OCA2: variants seen among roughly 807,000 people sequenced by gnomAD.
OCA2 encodes P protein.
Under a neutral mutation model 100.2 loss-of-function variants are expected in OCA2, and 77 were observed. The observed-to-expected ratio is 0.77, with a 90% CI of 0.64 to 0.93. OCA2 has a LOEUF of 0.93. OCA2 is among the 40% of genes least tolerant of loss of function. OCA2 has a pLI of 0.00. For missense variants in OCA2, 1,062 were observed against 1,089.1 expected, an observed-to-expected ratio of 0.98 and a Z score of 0.35; for synonymous variants, 432 against 439.2, an observed-to-expected ratio of 0.98 and a Z score of 0.21.
chr15:27,813,640 T>C (rs1171838341), intron 23 of OCA2, among the ~76,000 whole-genome samples: 2 of 152,176 alleles, frequency 1.3e-5, no homozygotes, highest in Admixed American at 6.5e-5. Context: ...GGAGGAAGTA[T>C]CCATCGGATC....
intron 23 of OCA2, among the ~76,000 whole-genome samples, chr15:27,823,673 A>C (rs1410825835): frequency 6.6e-6 from 1 of 152,168 alleles, no homozygotes; most frequent in African/African-American, 2.4e-5. Context: ...ACTGAGAAAC[A>C]ACTTATTCAA....
chr15:27,757,726 T>A (rs1163925163), intron 23 of OCA2, among the ~76,000 whole-genome samples: 1 of 152,214 alleles, frequency 6.6e-6, no homozygotes, highest in African/African-American at 2.4e-5. Flanking sequence ...TTCACTCTTA[T>A]AAATCCCTTA....
At chr15:28,077,994 G>A (rs187472004) in intron 2 of OCA2, among the ~76,000 whole-genome samples, 40 of 152,274 alleles carry the variant, frequency 2.6e-4, no homozygotes, top group African/African-American at 8.2e-4. Flanking sequence ...AAGGAGAATC[G>A]CCTGAACCTG....
intron 16 of OCA2, among the ~76,000 whole-genome samples, chr15:27,955,874 G>A (rs2040207030): frequency 6.6e-6 from 1 of 151,982 alleles, no homozygotes. Context: ...TCATGTTTCT[G>A]ACTCAGCCCA....
intron 21 of OCA2, among the ~76,000 whole-genome samples, chr15:27,868,361 A>G (rs971848389): frequency 6.6e-6 from 1 of 152,198 alleles, no homozygotes; most frequent in Non-Finnish European, 1.5e-5. Context: ...ATATGAATAT[A>G]TATGCAATGA....
intron 2 of OCA2, among the ~76,000 whole-genome samples, chr15:28,059,906 T>C (rs1254680987): frequency 6.6e-6 from 1 of 152,224 alleles, no homozygotes; most frequent in African/African-American, 2.4e-5. Flanking sequence ...AGAGTCTCTC[T>C]TTATGTACAC....
At chr15:27,893,068 G>A (rs114842666) in intron 19 of OCA2, among the ~76,000 whole-genome samples, 2,372 of 152,212 alleles carry the variant, frequency 0.016, 56 homozygotes, top group African/African-American at 0.05. Flanking sequence ...TAATTTGAAA[G>A]TTTCCTTTTA....
At chr15:27,753,294 C>T (rs2030135959), downstream of OCA2, among the ~76,000 whole-genome samples, 1 of 150,386 alleles carries the variant, frequency 6.6e-6, no homozygotes, top group African/African-American at 2.5e-5. Flanking sequence ...TCCTGGAGAC[C>T]CAGGGTGGGT....
chr15:28,030,567 C>A (rs939002577), intron 3 of OCA2, among the ~76,000 whole-genome samples: 1 of 152,132 alleles, frequency 6.6e-6, no homozygotes, highest in Non-Finnish European at 1.5e-5. Flanking sequence ...ATCCCGGGAG[C>A]CAGAGTATTT....
At chr15:27,987,795 A>G (rs1414161865) in intron 11 of OCA2, among the ~76,000 whole-genome samples, 1 of 152,062 alleles carries the variant, frequency 6.6e-6, no homozygotes, top group Admixed American at 6.6e-5. Context: ...TTCTCACCTT[A>G]CCTGTGAATG....
intron 18 of OCA2, among the ~76,000 whole-genome samples, chr15:27,940,554 A>G (rs1321032356): frequency 6.6e-6 from 1 of 152,046 alleles, no homozygotes; most frequent in Non-Finnish European, 1.5e-5. Context: ...CCAGCACTAA[A>G]GATGTCACCA....
chr15:27,960,814 G>T (rs746163847), intron 15 of OCA2, among the ~76,000 whole-genome samples: 6 of 150,300 alleles, frequency 4.0e-5, no homozygotes, highest in Non-Finnish European at 8.8e-5. Flanking sequence ...TAAGGTAGGA[G>T]AATTGCTTGA....
At chr15:28,081,979 G>C (rs2044648756) in intron 1 of OCA2, 84 bp from the exon 2 acceptor site, 5 of 1,164,092 alleles carry the variant, frequency 4.3e-6, no homozygotes, top group African/African-American at 3.0e-5. Flanking sequence ...ACAATAGGAA[G>C]GTTGCTTCTT....
chr15:28,074,034 C>CA (rs1436629123), intron 2 of OCA2, among the ~76,000 whole-genome samples: 28 of 146,798 alleles, frequency 1.9e-4, no homozygotes, highest in South Asian at 6.5e-4. Flanking sequence ...ACACACAGTA[C>CA]AAAAAAAAAT....
chr15:27,851,478 G>C lies in OCA2; in HGVS notation c.2245-3C>G. On this transcript the variant is annotated splice_polypyrimidine_tract_variant and splice_region_variant and intron_variant, in intron 21 of 23. Transcript: ENST00000354638. ...CTCAGGTTCAGGAGCACGGGAATCT[G>C]TGGAGGAAGAGGACATTGATGCCAC... is the stretch of plus-strand genomic sequence containing the variant. 1 of 1,612,298 alleles carries C rather than the reference G, an allele frequency of 6.2e-7. No homozygotes were observed. The highest frequency in any genetic ancestry group is 8.5e-7 in the Non-Finnish European group (1 of 1,179,146).
the OCA2 span, among the ~76,000 whole-genome samples, chr15:27,734,433 G>A: frequency 2.6e-5 from 4 of 152,258 alleles, no homozygotes; most frequent in African/African-American, 9.6e-5. Flanking sequence ...AGGATGGAGT[G>A]AGATAATGTC....
At chr15:27,955,089 G>C (rs1595712585) in intron 17 of OCA2, 69 bp downstream of exon 17, 3 of 1,099,316 alleles carry the variant, frequency 2.7e-6, no homozygotes, top group East Asian at 2.4e-5. Context: ...GTGAGGGAAG[G>C]AAAAGGCATC....
At chr15:27,798,948 C>T (rs140880579) in intron 23 of OCA2, among the ~76,000 whole-genome samples, 2 of 152,234 alleles carry the variant, frequency 1.3e-5, no homozygotes, top group African/African-American at 4.8e-5. Flanking sequence ...TGAGCACAAC[C>T]CAGATGGGCT....
intron 14 of OCA2, among the ~76,000 whole-genome samples, chr15:27,979,357 G>T (rs1315842657): frequency 1.3e-5 from 2 of 152,182 alleles, no homozygotes; most frequent in East Asian, 3.8e-4. Context: ...TCTATAGTTG[G>T]ATGGGGCTTG....
Sources: allele counts gnomAD v4.1 joint callset (sites outside exome capture counted in the v4.1 genomes callset), GRCh38; gene constraint gnomAD v4.1.1; transcripts MANE v1.5; gene names NCBI Gene and HGNC (gene_info 2026-07-23, HGNC 2026-07-21).